SPG11: variants seen among roughly 807,000 people sequenced by gnomAD.
SPG11 encodes the protein spatacsin.
Under a neutral mutation model 274.0 loss-of-function variants are expected in SPG11, and 222 were observed. The observed-to-expected ratio is 0.81, with a 90% CI of 0.73 to 0.91. SPG11 has a LOEUF of 0.91. SPG11 is among the 40% of genes least tolerant of loss of function. The probability of loss-of-function intolerance (pLI) is 0.00; values close to 1 mark genes in which losing one functional copy is unlikely to be tolerated. For synonymous variants in SPG11, 1,144 were observed against 1,039.7 expected (o/e 1.10, Z -1.93); for missense variants, 3,114 against 2,872.7 (o/e 1.08, Z -1.92).
At chr15:44,564,363 TTC>T (rs2082266730) in intron 39 of SPG11, among the ~76,000 whole-genome samples, 182 bp downstream of exon 39, 2 of 152,216 alleles carry the variant, frequency 1.3e-5, no homozygotes, top group Non-Finnish European at 2.9e-5. Flanking sequence ...GAGCAAACTG[TTC>T]TTGTTGATCT....
rs1268715734 is a variant in SPG11, at chr15:44,563,319, A to G, written c.7152-18T>C. 3 of 1,605,838 alleles carry G rather than the reference A, an allele frequency of 1.9e-6. No homozygotes were observed. The highest frequency in any genetic ancestry group is 2.6e-6 in the Non-Finnish European group (3 of 1,173,230). On this transcript the variant is annotated intron_variant, in intron 39 of 39. Coordinates refer to ENST00000261866, the MANE Select transcript of SPG11 (RefSeq NM_025137.4). The stretch of plus-strand genomic sequence containing the variant: ...GTTTATATCTAGATAAAGAAACATA[A>G]TGTACAGGTTAAGATACTGTTTTTT...
At chr15:44,591,125 T>C (rs2082890381) in intron 27 of SPG11, among the ~76,000 whole-genome samples, 2 of 152,342 alleles carry the variant, frequency 1.3e-5, no homozygotes, top group Middle Eastern at 3.4e-3. Flanking sequence ...TAAATTCCAA[T>C]AGGACTTACC....
At chr15:44,599,235 C>T (rs2083122302) in intron 21 of SPG11, among the ~76,000 whole-genome samples, 1 of 151,784 alleles carries the variant, frequency 6.6e-6, no homozygotes, top group Non-Finnish European at 1.5e-5. Flanking sequence ...TTTAAAAAAA[C>T]TCATATAGGC....
At position 44,622,254 on chromosome 15, in the gene SPG11, A is replaced by C; in HGVS notation, c.2410T>G (p.Phe804Val). The C allele has an allele frequency of 6.2e-7, 1 of 1,612,264 alleles. No individual in the cohort carries two copies. The highest frequency in any genetic ancestry group is 1.3e-5 in the African/African-American group (1 of 75,006). Residue 804 changes from phenylalanine (F) to valine (V), a missense_variant, in exon 13 of 40, where the codon TTC becomes GTC. Transcript: ENST00000261866. ...GACTGGATTTGCATATTTTCTTGGA[A>C]ATGTCCCAAATAAAGCTTCTCAACT... is the stretch of plus-strand genomic sequence containing the variant. ...HQVEKLYLGH[F>V]QENMQIQSFP...
At chr15:44,643,470 A>G (rs1295383492) in intron 7 of SPG11, among the ~76,000 whole-genome samples, 1 of 152,192 alleles carries the variant, frequency 6.6e-6, no homozygotes. Flanking sequence ...GGACAACTGA[A>G]GATCCACAAA....
At position 44,663,387 on chromosome 15, in the gene SPG11, T is replaced by C. The variant is rs1034483687; in HGVS notation, c.257+4A>G. On this transcript the variant is annotated splice_donor_region_variant and intron_variant, in intron 1 of 39. Coordinates refer to ENST00000261866, the MANE Select transcript of SPG11 (RefSeq NM_025137.4). ...CAACGGCCCAACTCTCCCTCAGCAC[T>C]TACTGCCAGAAGGGGCCCTCCAGGC... 5 of 1,606,624 alleles carry C rather than the reference T, an allele frequency of 3.1e-6. No homozygotes were observed. The highest frequency in any genetic ancestry group is 2.7e-5 in the African/African-American group (2 of 74,752).
In SPG11 at chr15:44,628,857, C is replaced by T. The variant is rs377349290; in HGVS notation, c.1892-13G>A. On this transcript the variant is annotated splice_polypyrimidine_tract_variant and intron_variant, in intron 9 of 39. Coordinates refer to ENST00000261866, the MANE Select transcript of SPG11 (RefSeq NM_025137.4). ...TGTTCATCTAGTTCTATGGAAAATACCAATGTGCCAATTTGTGTGTGTGTG... is the reference window on the plus strand; with the variant it reads ...TGTTCATCTAGTTCTATGGAAAATATCAATGTGCCAATTTGTGTGTGTGTG... The T allele has an allele frequency of 1.9e-6, 3 of 1,609,984 alleles. No homozygotes were observed. The highest frequency in any genetic ancestry group is 2.7e-5 in the African/African-American group (2 of 75,002).
chr15:44,610,030 G>A lies in SPG11; in HGVS notation c.3291+810C>T, dbSNP rs753141548. 6.7e-4 allele frequency among the ~76,000 whole-genome samples: 101 copies of A among 151,008 alleles called. No individual in the cohort carries two copies. In the Middle Eastern group the frequency reaches 0.014, roughly 20 times the overall value. ...CAATTCTTCTGCCTCTGCCTCCTGA[G>A]TAGCTGGGATTACAGGCGTACGCTA... On this transcript the variant is annotated intron_variant, in intron 18 of 39. Coordinates refer to ENST00000261866, the MANE Select transcript of SPG11 (RefSeq NM_025137.4).
At chr15:44,627,370 C>T (rs2083931138) in intron 10 of SPG11, among the ~76,000 whole-genome samples, 1 of 152,154 alleles carries the variant, frequency 6.6e-6, no homozygotes, top group Admixed American at 6.5e-5. Context: ...AAAATTTTGT[C>T]TATGTGTACA....
intron 23 of SPG11, 166 bp from the exon 24 acceptor site, chr15:44,597,109 T>TC (rs2083064481): frequency 6.9e-6 from 4 of 578,902 alleles, no homozygotes; most frequent in African/African-American, 3.9e-5. Context: ...AAAAGTAGAT[T>TC]CTTTTTTTTT....
intron 3 of SPG11, 25 bp downstream of exon 3, chr15:44,659,054 T>C: frequency 6.2e-7 from 1 of 1,606,600 alleles, no homozygotes. Flanking sequence ...TACGTATCAA[T>C]CAACACTTCT....
At chr15:44,609,003 A>G (rs1289636740) in intron 18 of SPG11, among the ~76,000 whole-genome samples, 2 of 152,212 alleles carry the variant, frequency 1.3e-5, no homozygotes, top group Non-Finnish European at 2.9e-5. Flanking sequence ...TATGACTGTA[A>G]TTTCTGACAG....
At chr15:44,609,856 G>A (rs1293615000) in intron 18 of SPG11, among the ~76,000 whole-genome samples, 2 of 146,872 alleles carry the variant, frequency 1.4e-5, no homozygotes, top group South Asian at 4.3e-4. Flanking sequence ...AGCCACCCAA[G>A]TAGCTGGGAC....
intron 29 of SPG11, among the ~76,000 whole-genome samples, chr15:44,585,415 T>A (rs2082736466): frequency 8.7e-6 from 1 of 114,366 alleles, no homozygotes. Context: ...TGAAACCCCA[T>A]CTCTACTAAA....
At chr15:44,653,873 T>C (rs993285412) in intron 4 of SPG11, among the ~76,000 whole-genome samples, 5 of 150,686 alleles carry the variant, frequency 3.3e-5, no homozygotes, top group Admixed American at 6.6e-5. Context: ...ACTTATATGA[T>C]TTTTTTTTTC....
At chr15:44,580,184 C>A (rs1024296170) in intron 30 of SPG11, among the ~76,000 whole-genome samples, 15 of 152,098 alleles carry the variant, frequency 9.9e-5, no homozygotes, top group African/African-American at 3.6e-4. Context: ...TGTCTAGATA[C>A]ACAAATACTT....
At chr15:44,564,473 A>C (rs973288834) in intron 39 of SPG11, 74 bp downstream of exon 39, 20 of 1,499,898 alleles carry the variant, frequency 1.3e-5, no homozygotes, top group Non-Finnish European at 1.8e-5. Context: ...GTACTTAGCC[A>C]TAAAATTCTT....
intron 17 of SPG11, 103 bp from the exon 18 acceptor site, chr15:44,611,088 CAGTA>C: frequency 1.5e-5 from 1 of 65,768 alleles, no homozygotes; most frequent in Non-Finnish European, 2.6e-5. Flanking sequence ...ACTCTATCCC[CAGTA>C]AAAAAAAAAA....
At chr15:44,629,089 TCA>T in intron 9 of SPG11, 142 bp downstream of exon 9, 3 of 983,980 alleles carry the variant, frequency 3.0e-6, no homozygotes, top group Non-Finnish European at 4.7e-6. Context: ...AAAACCCATT[TCA>T]CTTACTCAAC....
Sources: allele counts gnomAD v4.1 joint callset (sites outside exome capture counted in the v4.1 genomes callset), GRCh38; gene constraint gnomAD v4.1.1; transcripts MANE v1.5; gene names NCBI Gene and HGNC (gene_info 2026-07-23, HGNC 2026-07-21).